The following MAGI2 variants were observed in gnomAD, a reference collection of about 807,000 sequenced individuals.
MAGI2 encodes the protein membrane associated guanylate kinase, WW and PDZ domain containing 2.
Under a neutral mutation model 133.3 loss-of-function variants are expected in MAGI2, and 35 were observed. The ratio of observed to expected loss-of-function variants is 0.26; its 90% CI spans 0.20 to 0.35. The LOEUF is 0.35. MAGI2 is among the 10% of genes least tolerant of loss of function. The pLI is 1.00. For missense variants in MAGI2, 1,636 were observed against 1,863.4 expected (o/e 0.88, Z 2.25); for synonymous variants, 729 against 710.6 (o/e 1.03, Z -0.41).
intron 1 of MAGI2, among the ~76,000 whole-genome samples, chr7:79,091,954 GT>G (rs922609920): frequency 9.9e-5 from 15 of 152,022 alleles, no homozygotes; most frequent in African/African-American, 3.4e-4. Flanking sequence ...ATGGACCATA[GT>G]TTGCTGATTC....
At chr7:78,939,448 A>G (rs1160071871) in intron 2 of MAGI2, among the ~76,000 whole-genome samples, 3 of 152,116 alleles carry the variant, frequency 2.0e-5, no homozygotes, top group South Asian at 4.1e-4. Flanking sequence ...TGGGTTGACT[A>G]TGGTAGGCAG....
intron 1 of MAGI2, among the ~76,000 whole-genome samples, chr7:79,090,159 A>G (rs912210910): frequency 6.6e-6 from 1 of 151,986 alleles, no homozygotes; most frequent in Admixed American, 6.6e-5. Context: ...TGTTCAATCT[A>G]TTCAGTATTT....
intron 1 of MAGI2, among the ~76,000 whole-genome samples, chr7:79,377,634 C>A (rs1843467398): frequency 6.6e-6 from 1 of 151,786 alleles, no homozygotes; most frequent in African/African-American, 2.4e-5. Context: ...AGCCAAAAAG[C>A]TTCAAGGGCA....
At chr7:78,119,351 G>A (rs948345538) in intron 20 of MAGI2, among the ~76,000 whole-genome samples, 1 of 152,008 alleles carries the variant, frequency 6.6e-6, no homozygotes, top group Non-Finnish European at 1.5e-5. Flanking sequence ...ATGAGGTCAG[G>A]GGATAGAGAC....
intron 2 of MAGI2, among the ~76,000 whole-genome samples, chr7:78,969,011 T>C (rs997159101): frequency 1.3e-5 from 2 of 152,114 alleles, no homozygotes; most frequent in Admixed American, 6.6e-5. Context: ...GCTGCAAGTA[T>C]AGCTATGTAA....
intron 2 of MAGI2, among the ~76,000 whole-genome samples, chr7:78,756,705 C>T (rs1035529734): frequency 6.6e-6 from 1 of 152,174 alleles, no homozygotes; most frequent in Non-Finnish European, 1.5e-5. Flanking sequence ...CAACTCAGCC[C>T]TTCAATCCTG....
chr7:79,104,760 T>C (rs528333060), intron 1 of MAGI2, among the ~76,000 whole-genome samples: 5 of 152,248 alleles, frequency 3.3e-5, no homozygotes, highest in Non-Finnish European at 7.4e-5. Context: ...CATGAGGTTA[T>C]GAGAGAATGA....
intron 6 of MAGI2, among the ~76,000 whole-genome samples, chr7:78,483,718 T>C (rs1304758645): frequency 6.6e-6 from 1 of 151,948 alleles, no homozygotes; most frequent in Non-Finnish European, 1.5e-5. Context: ...CACTATATTA[T>C]TGGATGAAGC....
At chr7:78,989,043 A>G (rs555315653) in intron 2 of MAGI2, among the ~76,000 whole-genome samples, 1 of 151,744 alleles carries the variant, frequency 6.6e-6, no homozygotes, top group Non-Finnish European at 1.5e-5. Flanking sequence ...GTTTGCAACT[A>G]TGTCCAGAAT....
chr7:78,313,421 C>T (rs1179411800), intron 9 of MAGI2, among the ~76,000 whole-genome samples: 1 of 151,952 alleles, frequency 6.6e-6, no homozygotes, highest in East Asian at 1.9e-4. Context: ...AGCTTAATGA[C>T]ATAAAAAAAT....
At chr7:78,895,539 T>G (rs1797143872) in intron 2 of MAGI2, among the ~76,000 whole-genome samples, 1 of 152,006 alleles carries the variant, frequency 6.6e-6, no homozygotes, top group African/African-American at 2.4e-5. Flanking sequence ...AAAAGTGGCT[T>G]TACTCAGTGT....
At chr7:79,075,803 A>G (rs929315623) in intron 1 of MAGI2, among the ~76,000 whole-genome samples, 36 of 152,174 alleles carry the variant, frequency 2.4e-4, no homozygotes, top group African/African-American at 8.7e-4. Flanking sequence ...ACATTCTAAT[A>G]AAAAGGAGTT....
In MAGI2 at chr7:78,759,727, T is replaced by A. The variant is rs555695718; in HGVS notation, c.419-132488A>T. On this transcript the variant is annotated intron_variant, in intron 2 of 21. Coordinates refer to ENST00000354212, the MANE Select transcript of MAGI2 (RefSeq NM_012301.4). ...TGCTATAATGAAATAACATGCAGATTAATAGTTGAGTATCTTAATGTGTAA... is the reference window on the plus strand; with the variant it reads ...TGCTATAATGAAATAACATGCAGATAAATAGTTGAGTATCTTAATGTGTAA... Among the ~76,000 whole-genome samples, 8 of 152,350 alleles carry A rather than the reference T, an allele frequency of 5.3e-5. No individual in the cohort carries two copies. The South Asian group carries it at 1.7e-3, about 32-fold the overall frequency.
At chr7:78,430,508 T>A (rs1298315059) in intron 6 of MAGI2, among the ~76,000 whole-genome samples, 2 of 152,116 alleles carry the variant, frequency 1.3e-5, no homozygotes, top group East Asian at 3.9e-4. Context: ...CTGAATATAC[T>A]TAGTTTTTGA....
intron 1 of MAGI2, among the ~76,000 whole-genome samples, chr7:79,318,198 T>C (rs1838890646): frequency 6.6e-6 from 1 of 152,148 alleles, no homozygotes. Flanking sequence ...CACCTCTATA[T>C]ATTCAGGTGC....
chr7:78,320,987 A>G (rs982397603), intron 9 of MAGI2, among the ~76,000 whole-genome samples: 6 of 152,196 alleles, frequency 3.9e-5, no homozygotes, highest in Non-Finnish European at 8.8e-5. Context: ...TAACAAACAG[A>G]CAGCCAAATC....
At position 79,118,310 on chromosome 7, in the gene MAGI2, C is replaced by T. The variant is rs548126116; in HGVS notation, c.302-111104G>A. 3.9e-5 allele frequency among the ~76,000 whole-genome samples: 6 copies of T among 152,230 alleles called. No homozygotes were observed. In the South Asian group the frequency reaches 6.2e-4, roughly 16 times the overall value. On this transcript the variant is annotated intron_variant, in intron 1 of 21. Coordinates refer to ENST00000354212, the MANE Select transcript of MAGI2 (RefSeq NM_012301.4). ...TCATCTTCCTTGTAAATGGAGCACT[C>T]GACTCTAGAAATAATGTAGTACAAG...
chr7:78,890,518 A>G (rs1408443979), intron 2 of MAGI2, among the ~76,000 whole-genome samples: 2 of 152,218 alleles, frequency 1.3e-5, no homozygotes, highest in African/African-American at 2.4e-5. Flanking sequence ...AGAAATTATA[A>G]CAAACTGTCT....
intron 20 of MAGI2, among the ~76,000 whole-genome samples, chr7:78,102,837 C>G (rs1818320181): frequency 6.6e-6 from 1 of 152,226 alleles, no homozygotes; most frequent in African/African-American, 2.4e-5. Context: ...ACTGCTTTGT[C>G]TGAAACAGGG....
Sources: gnomAD v4.1 joint callset for allele counts (sites outside exome capture counted in the v4.1 genomes callset) on GRCh38, gnomAD v4.1.1 for gene constraint, MANE v1.5 for transcripts, NCBI Gene and HGNC (gene_info 2026-07-23, HGNC 2026-07-21) for gene names.